ETV6: variants seen among roughly 807,000 people sequenced by gnomAD.
ETV6 encodes the protein transcription factor ETV6.
Under a neutral mutation model 51.1 loss-of-function variants are expected in ETV6, and 16 were observed. The observed-to-expected ratio is 0.31, with a 90% CI of 0.21 to 0.48. ETV6 has a LOEUF of 0.48. Ranked by LOEUF, ETV6 falls within the 20% of genes least tolerant of loss-of-function variation. The probability of loss-of-function intolerance (pLI) is 0.99; values close to 1 mark genes in which losing one functional copy is unlikely to be tolerated. For missense variants in ETV6, 458 were observed against 594.8 expected, an observed-to-expected ratio of 0.77 and a Z score of 2.39; for synonymous variants, 240 against 224.1, an observed-to-expected ratio of 1.07 and a Z score of -0.64.
chr12:11,757,358 G>A (rs538477884), intron 2 of ETV6, among the ~76,000 whole-genome samples: 4 of 152,188 alleles, frequency 2.6e-5, no homozygotes, highest in African/African-American at 7.2e-5. Flanking sequence ...AGTGAGAAGG[G>A]ATGCAGTGCC....
chr12:11,768,904 T>G (rs1259533070), intron 2 of ETV6: 1 of 478,656 alleles, frequency 2.1e-6, no homozygotes, highest in South Asian at 1.5e-5. Context: ...GTGAAATTCC[T>G]TGGAAATACC....
intron 2 of ETV6, chr12:11,826,687 G>C (rs1002425153): frequency 6.6e-6 from 1 of 152,188 alleles, no homozygotes; most frequent in East Asian, 1.9e-4. Context: ...CCAAACGAAT[G>C]AATAATGTAA....
At chr12:11,785,746 T>C (rs1295232553) in intron 2 of ETV6, among the ~76,000 whole-genome samples, 3 of 152,224 alleles carry the variant, frequency 2.0e-5, no homozygotes, top group African/African-American at 7.2e-5. Context: ...AGTATGTCAC[T>C]AAGCCATGGA....
chr12:11,838,673 G>A (rs144211869), intron 2 of ETV6, among the ~76,000 whole-genome samples: 2 of 152,286 alleles, frequency 1.3e-5, no homozygotes, highest in South Asian at 4.1e-4. Context: ...TTCTTCAGAA[G>A]GACGCTGGGC....
chr12:11,744,436 A>C (rs1236239602), intron 1 of ETV6, among the ~76,000 whole-genome samples: 2 of 152,192 alleles, frequency 1.3e-5, no homozygotes, highest in African/African-American at 4.8e-5. Flanking sequence ...ACCCTCTTTC[A>C]AAAGGTGGAT....
intron 2 of ETV6, among the ~76,000 whole-genome samples, chr12:11,825,023 A>G (rs1946132739): frequency 6.6e-6 from 1 of 152,248 alleles, no homozygotes; most frequent in Non-Finnish European, 1.5e-5. Context: ...TTTATAAGAT[A>G]AAGGAACAGA....
chr12:11,746,160 G>A (rs944740553), intron 1 of ETV6, among the ~76,000 whole-genome samples: 1 of 152,200 alleles, frequency 6.6e-6, no homozygotes. Context: ...GAGGAGTGAG[G>A]ATGCAGAGCA....
intron 2 of ETV6, among the ~76,000 whole-genome samples, chr12:11,776,353 G>A (rs1283102337): frequency 6.6e-6 from 1 of 151,804 alleles, no homozygotes; most frequent in East Asian, 1.9e-4. Flanking sequence ...TACTAGAAAT[G>A]TTGATTTTTA....
chr12:11,712,753 T>C (rs1294345126), intron 1 of ETV6, among the ~76,000 whole-genome samples: 1 of 152,202 alleles, frequency 6.6e-6, no homozygotes, highest in African/African-American at 2.4e-5. Flanking sequence ...GACTTAAATG[T>C]CCATCTCATC....
At chr12:11,650,727 C>T in intron 1 of ETV6, among the ~76,000 whole-genome samples, 1 of 151,990 alleles carries the variant, frequency 6.6e-6, no homozygotes, top group East Asian at 1.9e-4. Flanking sequence ...CTGGTGTCAG[C>T]TTTTCCTAGG....
At chr12:11,858,157 G>A (rs1412835732) in intron 4 of ETV6, among the ~76,000 whole-genome samples, 2 of 152,122 alleles carry the variant, frequency 1.3e-5, no homozygotes, top group Admixed American at 6.6e-5. Context: ...TTCCTTGACT[G>A]TTGTGACTCA....
intron 2 of ETV6, among the ~76,000 whole-genome samples, chr12:11,833,120 A>C (rs1946267688): frequency 6.6e-6 from 1 of 152,352 alleles, no homozygotes; most frequent in Admixed American, 6.5e-5. Context: ...CTAGCTATAT[A>C]TGTTCAGGTA....
chr12:11,813,913 T>C (rs1945951688), intron 2 of ETV6, among the ~76,000 whole-genome samples: 1 of 152,216 alleles, frequency 6.6e-6, no homozygotes, highest in Non-Finnish European at 1.5e-5. Flanking sequence ...AATGAAGAAC[T>C]ACTGATTTTT....
intron 5 of ETV6, among the ~76,000 whole-genome samples, chr12:11,872,576 C>A (rs1330433043): frequency 6.6e-6 from 1 of 151,348 alleles, no homozygotes; most frequent in African/African-American, 2.4e-5. Context: ...TCATTGCAAC[C>A]TCTGCGTCCT....
intron 2 of ETV6, among the ~76,000 whole-genome samples, chr12:11,834,927 G>A (rs1439441608): frequency 1.3e-5 from 2 of 152,162 alleles, no homozygotes; most frequent in Non-Finnish European, 2.9e-5. Context: ...GGCCTGCCCA[G>A]AATCAAATGT....
At position 11,842,407 on chromosome 12, in the gene ETV6, T is replaced by TACACACACACACACAC. The variant is rs6144615; in HGVS notation, c.328+3121_328+3136dup. On this transcript the variant is annotated intron_variant, in intron 3 of 7. Coordinates refer to ENST00000396373, the MANE Select transcript of ETV6 (RefSeq NM_001987.5). ...CCTCTGTCATGGCCCTTGACACAGA[T>TACACACACACACACAC]ACACACACACACACACACACACACA... is the stretch of plus-strand genomic sequence containing the variant. Among the ~76,000 whole-genome samples, 1,245 of 147,914 alleles carry TACACACACACACACAC rather than the reference T, an allele frequency of 8.4e-3. 12 individuals are homozygous for TACACACACACACACAC. The highest frequency in any genetic ancestry group is 0.017 in the South Asian group (78 of 4,684).
In ETV6 at chr12:11,728,039, C is replaced by G. The variant is rs180840911; in HGVS notation, c.34-24411C>G. 2.3e-3 allele frequency among the ~76,000 whole-genome samples: 351 copies of G among 152,216 alleles called. 1 individual carries two copies. The highest frequency in any genetic ancestry group is 8.2e-3 in the African/African-American group (339 of 41,546). ...TTCACCATGTTGGCCAGGCGGTTCTCGAACTCCTGACCTCAAGTGATCTGC... is the reference window on the plus strand; with the variant it reads ...TTCACCATGTTGGCCAGGCGGTTCTGGAACTCCTGACCTCAAGTGATCTGC... On this transcript the variant is annotated intron_variant, in intron 1 of 7. Coordinates refer to ENST00000396373, the MANE Select transcript of ETV6 (RefSeq NM_001987.5).
rs185138857 is a variant in ETV6 at position 11,660,488 on chromosome 12, A to C, written c.33+10328A>C. On this transcript the variant is annotated intron_variant, in intron 1 of 7. Transcript: ENST00000396373. The stretch of plus-strand genomic sequence containing the variant: ...GTGGTAGGTGCCTGTAATCCCAGCT[A>C]CTCGGGAGGCTGAGGCAGGAGAATC... 1.4e-3 allele frequency among the ~76,000 whole-genome samples: 208 copies of C among 150,692 alleles called. 4 individuals are homozygous for C. In the East Asian group the frequency reaches 0.033, roughly 24 times the overall value.
intron 2 of ETV6, among the ~76,000 whole-genome samples, chr12:11,796,635 T>A (rs79350133): frequency 1.3e-5 from 2 of 152,354 alleles, no homozygotes; most frequent in East Asian, 3.9e-4. Flanking sequence ...GAGCTTCCGC[T>A]GTGCACTGTC....
Sources: gnomAD v4.1 joint callset for allele counts (sites outside exome capture counted in the v4.1 genomes callset) on GRCh38, gnomAD v4.1.1 for gene constraint, MANE v1.5 for transcripts, NCBI Gene and HGNC (gene_info 2026-07-23, HGNC 2026-07-21) for gene names.